Variants in EGFLAM observed in about 807,000 individuals in gnomAD.
The protein encoded by EGFLAM is EGF like, fibronectin type III and laminin G domains, also known as pikachurin.
Under a neutral mutation model 113.1 loss-of-function variants are expected in EGFLAM, and 79 were observed. The ratio of observed to expected loss-of-function variants is 0.70; its 90% confidence interval spans 0.58 to 0.84. The LOEUF (loss-of-function observed/expected upper bound fraction) is 0.84. Among genes scored for constraint, EGFLAM ranks in the 40% least tolerant of loss-of-function variants. The pLI is 0.00. For synonymous variants in EGFLAM, 504 were observed against 487.6 expected, an observed-to-expected ratio of 1.03 and a Z score of -0.44; for missense variants, 1,265 against 1,291.6, an observed-to-expected ratio of 0.98 and a Z score of 0.32.
chr5:38,282,251 C>T (rs1359331209), intron 1 of EGFLAM: 1 of 152,100 alleles, frequency 6.6e-6, no homozygotes, highest in Non-Finnish European at 1.5e-5. Flanking sequence ...AGAAACAGAA[C>T]TTAAGACAAA....
chr5:38,462,153 C>T (rs1188178360), intron 20 of EGFLAM, among the ~76,000 whole-genome samples: 4 of 152,050 alleles, frequency 2.6e-5, no homozygotes, highest in Non-Finnish European at 5.9e-5. Context: ...TGGGCGACAG[C>T]GGGACTCCGT....
intron 1 of EGFLAM, among the ~76,000 whole-genome samples, chr5:38,319,105 C>T (rs1738676417): frequency 6.6e-6 from 1 of 152,176 alleles, no homozygotes; most frequent in Non-Finnish European, 1.5e-5. Flanking sequence ...TGTTCCTCCA[C>T]ACCTTCTTTG....
chr5:38,330,749 A>C (rs779457462), intron 1 of EGFLAM, among the ~76,000 whole-genome samples: 1 of 152,170 alleles, frequency 6.6e-6, no homozygotes, highest in Non-Finnish European at 1.5e-5. Context: ...GGCTGTGCTT[A>C]CTGGTTATTT....
At chr5:38,343,253 A>T (rs1434345213) in intron 3 of EGFLAM, among the ~76,000 whole-genome samples, 1 of 151,892 alleles carries the variant, frequency 6.6e-6, no homozygotes, top group Non-Finnish European at 1.5e-5. Flanking sequence ...AAACTACAAA[A>T]AAATTAGCCA....
intron 19 of EGFLAM, among the ~76,000 whole-genome samples, chr5:38,455,935 C>T (rs968721883): frequency 6.6e-6 from 1 of 152,212 alleles, no homozygotes; most frequent in African/African-American, 2.4e-5. Flanking sequence ...ACAGCCAGAT[C>T]ACCTTGATTC....
intron 1 of EGFLAM, among the ~76,000 whole-genome samples, chr5:38,277,602 AAAG>A (rs77448565): frequency 0.41 from 62,467 of 151,624 alleles, 13,341 homozygotes; most frequent in Middle Eastern, 0.56. Context: ...TCTAAATGGG[AAAG>A]AAGAAGTGAA....
intron 1 of EGFLAM, among the ~76,000 whole-genome samples, chr5:38,313,883 C>T (rs917812060): frequency 1.3e-5 from 2 of 151,908 alleles, no homozygotes; most frequent in South Asian, 4.2e-4. Flanking sequence ...ATTTTGTATT[C>T]GTTCTTTATA....
intron 19 of EGFLAM, among the ~76,000 whole-genome samples, chr5:38,456,144 G>C (rs1423739460): frequency 6.6e-6 from 1 of 152,122 alleles, no homozygotes; most frequent in Non-Finnish European, 1.5e-5. Flanking sequence ...GGAGTGGTGG[G>C]ATTTTTCATT....
chr5:38,353,192 G>T (rs369965533), intron 5 of EGFLAM, among the ~76,000 whole-genome samples: 5 of 152,154 alleles, frequency 3.3e-5, no homozygotes, highest in African/African-American at 7.2e-5. Context: ...AGATATTAAA[G>T]CATTGATTCT....
chr5:38,427,405 G>T, intron 14 of EGFLAM, 153 bp downstream of exon 14: 2 of 1,324,708 alleles, frequency 1.5e-6, no homozygotes, highest in Non-Finnish European at 2.0e-6. Flanking sequence ...TCCTGCTTCA[G>T]GCAGATGACA....
chr5:38,435,552 T>G (rs1472845686), intron 16 of EGFLAM, among the ~76,000 whole-genome samples: 1 of 152,158 alleles, frequency 6.6e-6, no homozygotes, highest in Non-Finnish European at 1.5e-5. Flanking sequence ...TGGCATCATG[T>G]GTCTGCAGAT....
chr5:38,386,456 G>T (rs138711046), intron 6 of EGFLAM, among the ~76,000 whole-genome samples: 2,456 of 152,324 alleles, frequency 0.016, 28 homozygotes, highest in Non-Finnish European at 0.025. Flanking sequence ...ACCTCACAAA[G>T]TGCTGAGATT....
Position 38,418,305 on chromosome 5 carries a change from A to G in EGFLAM, c.1684+50A>G, listed in dbSNP as rs970485591. On this transcript the variant is annotated intron_variant, in intron 12 of 21. Transcript: ENST00000322350. ...GGTACTCTTATGGGACTTATGTCTTATGGGACTGCCTTTCTGGCTTGGGCC... is the reference window on the plus strand; with the variant it reads ...GGTACTCTTATGGGACTTATGTCTTGTGGGACTGCCTTTCTGGCTTGGGCC... 8 of 1,593,740 alleles carry G rather than the reference A, an allele frequency of 5.0e-6. No homozygotes were observed. The Admixed American group carries it at 1.4e-4, about 28-fold the overall frequency.
intron 9 of EGFLAM, among the ~76,000 whole-genome samples, chr5:38,408,172 T>G (rs1189752334): frequency 3.3e-5 from 5 of 152,196 alleles, no homozygotes; most frequent in Non-Finnish European, 7.4e-5. Context: ...GTGAGAATGT[T>G]GGGGTCCGAG....
At position 38,431,229 on chromosome 5, in the gene EGFLAM, A is replaced by C; in HGVS notation, c.2107A>C (p.Thr703Pro). The change falls in exon 15 of 22, where the codon ACA becomes CCA. Residue 703 changes from threonine (T) to proline (P), a missense_variant. By Grantham distance (38) the Thr-to-Pro change is conservative (BLOSUM62 -1). Transcript: ENST00000322350. ...CTGGCACGAGCTTCGTGTATCTCGC[A>C]CAGCAAAGAATGGAATCTTACAGGT... ...GNWHELRVSR[T>P]AKNGILQVDK... is the part of the protein sequence containing the mutation. The C allele has an allele frequency of 6.2e-7, 1 of 1,614,212 alleles. No individual in the cohort carries two copies. Among genetic ancestry groups the C allele is most frequent in the Non-Finnish European group, 8.5e-7 (1 of 1,180,028 alleles).
chr5:38,324,181 A>T (rs543876162), intron 1 of EGFLAM, among the ~76,000 whole-genome samples: 1 of 152,036 alleles, frequency 6.6e-6, no homozygotes, highest in African/African-American at 2.4e-5. Context: ...AGATTTAGAG[A>T]ATTACTTTGA....
chr5:38,275,467 G>T (rs1021595731), intron 1 of EGFLAM, among the ~76,000 whole-genome samples: 1 of 152,026 alleles, frequency 6.6e-6, no homozygotes, highest in Non-Finnish European at 1.5e-5. Context: ...TATAAAAAGA[G>T]ACAAAAAAGG....
chr5:38,332,682 G>C (rs536257666), intron 1 of EGFLAM, among the ~76,000 whole-genome samples: 2 of 152,174 alleles, frequency 1.3e-5, no homozygotes, highest in Admixed American at 6.5e-5. Flanking sequence ...TGTTCCTTAT[G>C]GGAAACAAAG....
chr5:38,460,657 G>A (rs1019222719), intron 20 of EGFLAM, among the ~76,000 whole-genome samples: 1 of 152,192 alleles, frequency 6.6e-6, no homozygotes, highest in African/African-American at 2.4e-5. Flanking sequence ...TCGAGCCCAG[G>A]AACTAGATGA....
Sources: gnomAD v4.1 joint callset for allele counts (sites outside exome capture counted in the v4.1 genomes callset) on GRCh38, gnomAD v4.1.1 for gene constraint, MANE v1.5 for transcripts, NCBI Gene and HGNC (gene_info 2026-07-23, HGNC 2026-07-21) for gene names.